PDZD2: variants seen among roughly 807,000 people sequenced by gnomAD.
PDZD2 encodes PDZ domain-containing protein 2.
Under a neutral mutation model 220.7 loss-of-function variants are expected in PDZD2, and 90 were observed. The observed-to-expected ratio is 0.41, with a 90% CI of 0.34 to 0.49. The LOEUF is 0.49. PDZD2 is among the 20% of genes least tolerant of loss of function. The pLI is 0.28. For synonymous variants in PDZD2, 1,375 were observed against 1,450.5 expected (o/e 0.95, Z 1.18); for missense variants, 3,174 against 3,608.5 (o/e 0.88, Z 3.08).
At chr5:31,897,298 C>A (rs1741657496) in intron 2 of PDZD2, among the ~76,000 whole-genome samples, 1 of 152,112 alleles carries the variant, frequency 6.6e-6, no homozygotes, top group Non-Finnish European at 1.5e-5. Context: ...GTATCTCTTA[C>A]CACAGTGTGA....
At chr5:31,730,412 G>C (rs992809220) in intron 1 of PDZD2, among the ~76,000 whole-genome samples, 4 of 152,188 alleles carry the variant, frequency 2.6e-5, no homozygotes, top group Non-Finnish European at 5.9e-5. Flanking sequence ...ATGAGAGGCA[G>C]AGTACATGTG....
chr5:31,836,975 G>C (rs569690161), intron 2 of PDZD2, among the ~76,000 whole-genome samples: 43 of 151,506 alleles, frequency 2.8e-4, no homozygotes, highest in Non-Finnish European at 5.1e-4. Flanking sequence ...CCAAGATCAC[G>C]CCATTGCATT....
At chr5:31,928,264 C>T (rs1309317985) in intron 2 of PDZD2, among the ~76,000 whole-genome samples, 1 of 152,006 alleles carries the variant, frequency 6.6e-6, no homozygotes, top group Admixed American at 6.6e-5. Context: ...TTGGTCACAC[C>T]AGTTAAAGGA....
At chr5:31,908,187 C>T (rs1561044824) in intron 2 of PDZD2, among the ~76,000 whole-genome samples, 1 of 151,078 alleles carries the variant, frequency 6.6e-6, no homozygotes, top group Non-Finnish European at 1.5e-5. Flanking sequence ...ATTTAAAATG[C>T]ACAAAGATAG....
chr5:31,839,740 C>T (rs774209676), intron 2 of PDZD2, among the ~76,000 whole-genome samples: 14 of 152,166 alleles, frequency 9.2e-5, no homozygotes, highest in Non-Finnish European at 1.9e-4. Flanking sequence ...CTATAATCCC[C>T]ATGCGGAGTG....
chr5:32,066,687 G>C (rs1324046623), intron 14 of PDZD2, among the ~76,000 whole-genome samples: 1 of 152,190 alleles, frequency 6.6e-6, no homozygotes, highest in Non-Finnish European at 1.5e-5. Context: ...GCAGTCATTG[G>C]CTTCAAGGCA....
Position 31,683,220 on chromosome 5 carries a change from AAAAAAG to A in PDZD2, c.-361+43787_-361+43792del, listed in dbSNP as rs1173546893. Among the ~76,000 whole-genome samples, 14 of 150,890 alleles carry A rather than the reference AAAAAAG, an allele frequency of 9.3e-5. No individual in the cohort carries two copies. In the East Asian group the frequency reaches 1.7e-3, roughly 19 times the overall value. On this transcript the variant is annotated intron_variant, in intron 1 of 24. Coordinates refer to ENST00000438447, the MANE Select transcript of PDZD2 (RefSeq NM_178140.4). Reference sequence around the variant, plus strand: ...AGATCAGAATGTTAAAAAAAAAAAAAAAAAAGAAAGAAAGAAAAGAAAACGAATTAG... The same window carrying A: ...AGATCAGAATGTTAAAAAAAAAAAAAAAAGAAAGAAAAGAAAACGAATTAG...
At chr5:31,860,528 G>T (rs1466179609) in intron 2 of PDZD2, among the ~76,000 whole-genome samples, 1 of 152,144 alleles carries the variant, frequency 6.6e-6, no homozygotes, top group Non-Finnish European at 1.5e-5. Context: ...AGACCATTGT[G>T]TTTACTGGCA....
chr5:31,878,060 T>C (rs1031415652), intron 2 of PDZD2, among the ~76,000 whole-genome samples: 1 of 152,228 alleles, frequency 6.6e-6, no homozygotes, highest in African/African-American at 2.4e-5. Context: ...CATAGAGTGA[T>C]AAATCAGAAT....
At chr5:31,775,542 G>C (rs925752823) in intron 1 of PDZD2, among the ~76,000 whole-genome samples, 1 of 152,084 alleles carries the variant, frequency 6.6e-6, no homozygotes, top group African/African-American at 2.4e-5. Context: ...TGCCTGATGA[G>C]AGTAGGGCTG....
At chr5:31,782,707 ATTTTTTTTTTTT>A (rs34166035) in intron 1 of PDZD2, among the ~76,000 whole-genome samples, 1 of 96,522 alleles carries the variant, frequency 1.0e-5, no homozygotes, top group Non-Finnish European at 1.9e-5. Context: ...ACCACTTTAG[ATTTTTTTTTTTT>A]TTTTTTTTTT....
intron 2 of PDZD2, among the ~76,000 whole-genome samples, chr5:31,880,936 G>A (rs1739835861): frequency 6.6e-6 from 1 of 151,188 alleles, no homozygotes; most frequent in Non-Finnish European, 1.5e-5. Context: ...CGAGTAGCTG[G>A]GATTACAGGC....
intron 2 of PDZD2, among the ~76,000 whole-genome samples, chr5:31,905,240 T>G (rs947487203): frequency 1.3e-5 from 2 of 152,138 alleles, no homozygotes; most frequent in African/African-American, 4.8e-5. Flanking sequence ...CTCCTCAGCC[T>G]CCCAAAGTGC....
intron 1 of PDZD2, among the ~76,000 whole-genome samples, chr5:31,756,038 G>A (rs943177746): frequency 1.8e-4 from 28 of 152,244 alleles, no homozygotes; most frequent in African/African-American, 6.3e-4. Flanking sequence ...GATGTGTGAA[G>A]GGCTGCAATT....
chr5:31,884,593 T>TG, intron 2 of PDZD2, among the ~76,000 whole-genome samples: 1 of 140,102 alleles, frequency 7.1e-6, no homozygotes, highest in African/African-American at 3.3e-5. Flanking sequence ...TTGTATTGTG[T>TG]TTTTTTTTGT....
At position 31,679,994 on chromosome 5, in the gene PDZD2, T is replaced by C. The variant is rs145615795; in HGVS notation, c.-361+40557T>C. ...TCTTCGAACACCACAGTCCTCAAAA[T>C]GTTTAGCTCCAAAAGGTTTAAATGC... On this transcript the variant is annotated intron_variant, in intron 1 of 24. Transcript: ENST00000438447. Among the ~76,000 whole-genome samples, 524 of 152,350 alleles carry C rather than the reference T, an allele frequency of 3.4e-3. 3 individuals are homozygous for C. The highest frequency in any genetic ancestry group is 0.012 in the African/African-American group (503 of 41,580).
intron 1 of PDZD2, among the ~76,000 whole-genome samples, chr5:31,718,657 C>T (rs1471984478): frequency 2.0e-5 from 3 of 150,564 alleles, no homozygotes; most frequent in East Asian, 3.9e-4. Flanking sequence ...TATAAAGCCA[C>T]TAGTTAGGTT....
At chr5:31,854,765 G>A (rs910181011) in intron 2 of PDZD2, among the ~76,000 whole-genome samples, 3 of 152,202 alleles carry the variant, frequency 2.0e-5, no homozygotes, top group African/African-American at 7.2e-5. Context: ...CCTCCCCAGG[G>A]CGGTTTCCTT....
At chr5:31,671,397 A>G (rs755499252) in intron 1 of PDZD2, among the ~76,000 whole-genome samples, 17 of 152,154 alleles carry the variant, frequency 1.1e-4, no homozygotes, top group Non-Finnish European at 1.8e-4. Context: ...GGTTGCTGGC[A>G]TTTGTTGTCT....
Sources: gnomAD v4.1 joint callset for allele counts (sites outside exome capture counted in the v4.1 genomes callset) on GRCh38, gnomAD v4.1.1 for gene constraint, MANE v1.5 for transcripts, NCBI Gene and HGNC (gene_info 2026-07-23, HGNC 2026-07-21) for gene names.